The following XPO7 variants were observed in gnomAD, a reference collection of about 807,000 sequenced individuals.
XPO7 encodes the protein exportin 7, also known as exportin-7.
In XPO7, 21 loss-of-function variants were observed where a neutral mutation model predicts 144.3. The observed-to-expected ratio is 0.15, with a 90% CI of 0.10 to 0.21. The LOEUF (loss-of-function observed/expected upper bound fraction) is 0.21, where lower values mean the gene tolerates loss of function less well. Among genes scored for constraint, XPO7 ranks in the 10% least tolerant of loss-of-function variants. XPO7 has a pLI of 1.00. For synonymous variants in XPO7, 580 were observed against 499.6 expected (o/e 1.16, Z -2.15); for missense variants, 808 against 1,325.8 (o/e 0.61, Z 6.06).
chr8:21,939,871 CATTT>C (rs1260329561), intron 1 of XPO7, among the ~76,000 whole-genome samples: 5 of 152,266 alleles, frequency 3.3e-5, no homozygotes, highest in African/African-American at 1.2e-4. Context: ...AATTAGCAAA[CATTT>C]AGTAGTCTTT....
At position 21,961,749 on chromosome 8, in the gene XPO7, A is replaced by G. The variant is rs1477382644; in HGVS notation, c.19-5108A>G. On this transcript the variant is annotated intron_variant, in intron 1 of 27. Transcript: ENST00000252512. ...AGGATCTTGGCTCACTGCAACCTCT[A>G]CCTCCTGGGTTCAAGAGATTCTCCG... Among the ~76,000 whole-genome samples, 11 of 152,140 alleles carry G rather than the reference A, an allele frequency of 7.2e-5. No homozygotes were observed. In the South Asian group the frequency reaches 2.1e-3, roughly 29 times the overall value.
In XPO7 at chr8:21,990,398, C is replaced by T. The variant is rs376605722; in HGVS notation, c.1923C>T (p.Asn641=). The stretch of plus-strand genomic sequence containing the variant: ...TTAGTGCGGTACAGTTCATGCTGAA[C>T]AATCACACGGTGAGTGATTTTAGCT... ...VKLSAVQFML[N]NHTSEHFSFL... is the part of the protein sequence containing the mutation. Residue 641 remains asparagine, a synonymous_variant, in exon 17 of 28, where the codon AAC becomes AAT. Coordinates refer to ENST00000252512, the MANE Select transcript of XPO7 (RefSeq NM_015024.5). The T allele has an allele frequency of 8.1e-5, 131 of 1,613,722 alleles. 1 individual carries two copies. In the African/African-American group the frequency reaches 1.5e-3, roughly 18 times the overall value.
chr8:21,999,690 G>A lies in XPO7; in HGVS notation c.2782+16G>A, dbSNP rs1416794843. On this transcript the variant is annotated intron_variant, in intron 24 of 27. Transcript: ENST00000252512. ...ACTGCACTTGGTAAGCACCTGAGGT[G>A]GGTGGGTGAGTTGGTGGGTTTGTTT... The A allele has an allele frequency of 1.2e-6, 2 of 1,613,604 alleles. No individual in the cohort carries two copies. The highest frequency in any genetic ancestry group is 1.7e-5 in the Admixed American group (1 of 59,978).
In XPO7 at chr8:22,005,851, T is replaced by C. The variant is rs141324840; in HGVS notation, c.*763T>C. 1.7e-4 allele frequency: 26 copies of C among 152,360 alleles called. No homozygotes were observed. Among genetic ancestry groups the C allele is most frequent in the African/African-American group, 6.0e-4 (25 of 41,572 alleles). The allele number at this position is 152,360 out of a possible 1,614,324, so 9.4% of individuals were successfully genotyped here. ...CAGCTAAAAGTGTTTGGTGTTCTTATCTCCACCCTCTTTCCTACTTTGCTT... is the reference window on the plus strand; with the variant it reads ...CAGCTAAAAGTGTTTGGTGTTCTTACCTCCACCCTCTTTCCTACTTTGCTT... On this transcript the variant is annotated 3_prime_UTR_variant, in exon 28 of 28. Coordinates refer to ENST00000252512, the MANE Select transcript of XPO7 (RefSeq NM_015024.5).
At chr8:21,989,128 T>C in intron 16 of XPO7, 45 bp downstream of exon 16, 1 of 1,554,066 alleles carries the variant, frequency 6.4e-7, no homozygotes, top group Non-Finnish European at 8.8e-7. Context: ...GAAACTGGCA[T>C]GCCACAGTCT....
Position 21,980,778 on chromosome 8 carries a change from A to G in XPO7, c.957+575A>G, listed in dbSNP as rs559089886. Among the ~76,000 whole-genome samples, 373 of 152,148 alleles carry G rather than the reference A, an allele frequency of 2.5e-3. 1 individual carries two copies. Among genetic ancestry groups the G allele is most frequent in the African/African-American group, 8.7e-3 (360 of 41,514 alleles). On this transcript the variant is annotated intron_variant, in intron 9 of 27. Coordinates refer to ENST00000252512, the MANE Select transcript of XPO7 (RefSeq NM_015024.5). ...CGACAGAGTAAGACTCCGTCTCAAA[A>G]AAAAAAAAAAAACTAACATTTGGTT...
chr8:21,928,653 T>A (rs1810540172), intron 1 of XPO7, among the ~76,000 whole-genome samples: 1 of 152,260 alleles, frequency 6.6e-6, no homozygotes. Flanking sequence ...ATGTGCTTAC[T>A]GACATTTGTA....
chr8:21,998,422 C>T (rs1813025211), intron 21 of XPO7, among the ~76,000 whole-genome samples: 1 of 152,198 alleles, frequency 6.6e-6, no homozygotes, highest in South Asian at 2.1e-4. Flanking sequence ...GCCTGGGCGA[C>T]AGAGTAAGAC....
At chr8:21,996,075 A>T (rs1311401179) in intron 21 of XPO7, among the ~76,000 whole-genome samples, 1 of 151,990 alleles carries the variant, frequency 6.6e-6, no homozygotes, top group Non-Finnish European at 1.5e-5. Flanking sequence ...TCGGCCTCCC[A>T]AAGTGCTGGG....
intron 1 of XPO7, among the ~76,000 whole-genome samples, chr8:21,957,880 T>G (rs1360502446): frequency 6.7e-6 from 1 of 149,532 alleles, no homozygotes; most frequent in Non-Finnish European, 1.5e-5. Context: ...CCTTTCCGGG[T>G]TTTTTTTTTC....
At chr8:21,984,201 G>C (rs1812496502) in intron 11 of XPO7, among the ~76,000 whole-genome samples, 1 of 152,092 alleles carries the variant, frequency 6.6e-6, no homozygotes, top group Non-Finnish European at 1.5e-5. Context: ...ATATGATATG[G>C]TAGAAGCATC....
chr8:21,988,906 G>A, intron 15 of XPO7, 97 bp from the exon 16 acceptor site: 2 of 1,079,854 alleles, frequency 1.9e-6, no homozygotes, highest in South Asian at 1.4e-5. Flanking sequence ...CAGATGTGTG[G>A]TGACTTTTGA....
At chr8:21,996,663 G>A (rs1404302870) in intron 21 of XPO7, among the ~76,000 whole-genome samples, 1 of 152,134 alleles carries the variant, frequency 6.6e-6, no homozygotes, top group African/African-American at 2.4e-5. Flanking sequence ...AAGTGAGCAA[G>A]ATTTTCAAAA....
Position 21,979,828 on chromosome 8 carries a change from G to A in XPO7, c.838-256G>A, listed in dbSNP as rs770337321. On this transcript the variant is annotated intron_variant, in intron 8 of 27. Transcript: ENST00000252512. ...AGTATAAATTGCTCGATATTTTTAA[G>A]GGTGAAATAACGTATCTCAGCAAGA... 6.6e-6 allele frequency among the ~76,000 whole-genome samples: 1 copy of A among 152,098 alleles called. No individual in the cohort carries two copies. Among genetic ancestry groups the A allele is most frequent in the Non-Finnish European group, 1.5e-5 (1 of 68,022 alleles).
At chr8:21,952,075 T>C (rs1811392171) in intron 1 of XPO7, among the ~76,000 whole-genome samples, 1 of 152,212 alleles carries the variant, frequency 6.6e-6, no homozygotes, top group Non-Finnish European at 1.5e-5. Context: ...CCTGCTTTCT[T>C]CCTTTGTGAA....
chr8:21,931,788 C>G (rs1228568839), intron 1 of XPO7, among the ~76,000 whole-genome samples: 1 of 152,198 alleles, frequency 6.6e-6, no homozygotes, highest in Non-Finnish European at 1.5e-5. Context: ...AAACCAGATT[C>G]ATTCTCTATC....
chr8:21,946,281 A>C (rs1036589773), intron 1 of XPO7, among the ~76,000 whole-genome samples: 4 of 152,250 alleles, frequency 2.6e-5, no homozygotes, highest in Admixed American at 1.3e-4. Context: ...ATGCTTAACA[A>C]AATAATATTT....
chr8:21,921,334 T>C (rs1161575670), intron 1 of XPO7: 2 of 152,168 alleles, frequency 1.3e-5, no homozygotes, highest in Non-Finnish European at 2.9e-5. Context: ...AAGGTAAGTC[T>C]AAGTGTCCCA....
At chr8:21,982,161 G>A (rs540857602) in intron 10 of XPO7, among the ~76,000 whole-genome samples, 2 of 152,292 alleles carry the variant, frequency 1.3e-5, no homozygotes, top group South Asian at 4.2e-4. Context: ...CAGGGAGCTA[G>A]ACAGAAGAGT....
Sources: gnomAD v4.1 joint callset for allele counts (sites outside exome capture counted in the v4.1 genomes callset) on GRCh38, gnomAD v4.1.1 for gene constraint, MANE v1.5 for transcripts, NCBI Gene and HGNC (gene_info 2026-07-23, HGNC 2026-07-21) for gene names.